The following PLEKHA5 variants were observed in gnomAD, a reference collection of about 807,000 sequenced individuals.
The protein encoded by PLEKHA5 is pleckstrin homology domain containing A5, also known as pleckstrin homology domain-containing family A member 5.
PLEKHA5 carries 55 observed loss-of-function variants against 181.9 expected under a neutral mutation model. The ratio of observed to expected loss-of-function variants is 0.30; its 90% CI spans 0.24 to 0.38. The LOEUF (loss-of-function observed/expected upper bound fraction) is 0.38, where lower values mean the gene tolerates loss of function less well. PLEKHA5 is among the 10% of genes least tolerant of loss of function. The probability of loss-of-function intolerance (pLI) is 1.00; values close to 1 mark genes in which losing one functional copy is unlikely to be tolerated. For missense variants in PLEKHA5, 1,432 were observed against 1,549.5 expected (o/e 0.92, Z 1.27); for synonymous variants, 535 against 529.4 (o/e 1.01, Z -0.15).
intron 3 of PLEKHA5, among the ~76,000 whole-genome samples, chr12:19,142,035 A>G (rs926176422): frequency 2.0e-5 from 3 of 152,230 alleles, no homozygotes; most frequent in African/African-American, 4.8e-5. Flanking sequence ...GAAAATTCCA[A>G]CTTTCGCTAA....
intron 3 of PLEKHA5, chr12:19,151,267 A>G (rs1196457406): frequency 6.6e-6 from 1 of 152,270 alleles, no homozygotes; most frequent in Non-Finnish European, 1.5e-5. Flanking sequence ...ATGGAGCACC[A>G]TTTCCATAGG....
intron 3 of PLEKHA5, among the ~76,000 whole-genome samples, chr12:19,196,507 T>C (rs1288141103): frequency 7.2e-5 from 11 of 152,174 alleles, no homozygotes; most frequent in Non-Finnish European, 2.9e-5. Context: ...GAAGAAAACC[T>C]ACCCCTATGT....
chr12:19,149,461 G>A (rs1261936003), intron 3 of PLEKHA5: 6 of 135,426 alleles, frequency 4.4e-5, no homozygotes, highest in Non-Finnish European at 9.1e-5. Context: ...CCGAGAGAGC[G>A]CCTCTGTACT....
intron 3 of PLEKHA5, among the ~76,000 whole-genome samples, chr12:19,169,047 A>G (rs1358656252): frequency 6.6e-6 from 1 of 152,170 alleles, no homozygotes; most frequent in Non-Finnish European, 1.5e-5. Context: ...AAAGAAAACA[A>G]ATTACTGATT....
At chr12:19,312,388 T>C (rs1225667318) in intron 15 of PLEKHA5, among the ~76,000 whole-genome samples, 1 of 152,228 alleles carries the variant, frequency 6.6e-6, no homozygotes. Context: ...CTGATTCCCA[T>C]ACAAGGCTAT....
intron 3 of PLEKHA5, among the ~76,000 whole-genome samples, chr12:19,172,171 T>G (rs569392850): frequency 6.6e-6 from 1 of 152,352 alleles, no homozygotes; most frequent in East Asian, 1.9e-4. Context: ...GTTATATACT[T>G]TTATATGATT....
Position 19,283,728 on chromosome 12 carries a change from A to C in PLEKHA5, c.1762A>C (p.Arg588=), listed in dbSNP as rs141351796. The part of the protein sequence containing the change: ...RGDVTIDRRH[R]AHHPKHVYVP... The stretch of plus-strand genomic sequence containing the variant: ...AGATGTGACAATAGACCGCAGACAC[A>C]GGGCCCATCACCCTAAGGTAAAATA... Residue 588 remains arginine (R), a synonymous_variant, in exon 12 of 32, where the codon AGG becomes CGG. Transcript: ENST00000429027. The C allele has an allele frequency of 2.8e-5, 45 of 1,611,322 alleles. 1 individual carries two copies. In the South Asian group the frequency reaches 3.7e-4, roughly 13 times the overall value.
At chr12:19,199,294 G>C (rs541146423) in intron 3 of PLEKHA5, among the ~76,000 whole-genome samples, 1 of 152,030 alleles carries the variant, frequency 6.6e-6, no homozygotes, top group South Asian at 2.1e-4. Flanking sequence ...TTGAAAAAAT[G>C]CCTTCTGTAG....
intron 11 of PLEKHA5, among the ~76,000 whole-genome samples, chr12:19,279,066 G>A (rs1377097715): frequency 6.6e-6 from 1 of 152,128 alleles, no homozygotes; most frequent in African/African-American, 2.4e-5. Context: ...TGAGAAAAGA[G>A]GATCCCAGTT....
chr12:19,275,066 A>G, intron 11 of PLEKHA5, 83 bp downstream of exon 11: 1 of 838,292 alleles, frequency 1.2e-6, no homozygotes, highest in Admixed American at 2.7e-5. Context: ...ACTGATTAAA[A>G]TATTGGTTTA....
chr12:19,233,864 A>T (rs1486753815), intron 3 of PLEKHA5, among the ~76,000 whole-genome samples: 2 of 152,194 alleles, frequency 1.3e-5, no homozygotes, highest in African/African-American at 4.8e-5. Context: ...AATCAGGATT[A>T]ATTGAGATTT....
At chr12:19,201,305 A>T (rs528845623) in intron 3 of PLEKHA5, 1 of 152,218 alleles carries the variant, frequency 6.6e-6, no homozygotes, top group South Asian at 2.1e-4. Flanking sequence ...TGAGGAACCC[A>T]CTAGGAATGG....
At chr12:19,337,036 G>A (rs1305130941) in intron 21 of PLEKHA5, among the ~76,000 whole-genome samples, 2 of 131,150 alleles carry the variant, frequency 1.5e-5, no homozygotes, top group Admixed American at 8.5e-5. Context: ...TGCCCAGGCT[G>A]GAGTGCAATG....
At chr12:19,365,526 A>C (rs2095400160) in intron 29 of PLEKHA5, among the ~76,000 whole-genome samples, 2 of 152,210 alleles carry the variant, frequency 1.3e-5, no homozygotes, top group Admixed American at 1.3e-4. Context: ...TTTGGATTAA[A>C]GTAGACTTTA....
At chr12:19,201,444 A>C (rs2054166897) in intron 3 of PLEKHA5, 1 of 152,084 alleles carries the variant, frequency 6.6e-6, no homozygotes, top group Non-Finnish European at 1.5e-5. Context: ...TCTGGAAAAA[A>C]TTAATTGTAA....
intron 3 of PLEKHA5, among the ~76,000 whole-genome samples, chr12:19,215,520 T>G (rs1263302818): frequency 6.6e-6 from 1 of 152,210 alleles, no homozygotes; most frequent in African/African-American, 2.4e-5. Flanking sequence ...CAGCATCCCC[T>G]GTCACTTCAA....
At chr12:19,312,261 T>A (rs2086812951) in intron 15 of PLEKHA5, among the ~76,000 whole-genome samples, 1 of 152,226 alleles carries the variant, frequency 6.6e-6, no homozygotes, top group South Asian at 2.1e-4. Context: ...TAAATGAGCA[T>A]CAGCTTCAGC....
intron 7 of PLEKHA5, among the ~76,000 whole-genome samples, chr12:19,264,492 T>A (rs1396279442): frequency 2.0e-5 from 3 of 152,216 alleles, no homozygotes; most frequent in African/African-American, 7.2e-5. Flanking sequence ...AAAATTAGGG[T>A]TTGACTTATT....
rs113215912 is a variant in PLEKHA5 at position 19,234,096 on chromosome 12, C to G, written c.228-19844C>G. Among the ~76,000 whole-genome samples, 3 of 152,304 alleles carry G rather than the reference C, an allele frequency of 2.0e-5. 1 individual carries two copies. Among genetic ancestry groups the G allele is most frequent in the African/African-American group, 7.2e-5 (3 of 41,560 alleles). On this transcript the variant is annotated intron_variant, in intron 3 of 31. Coordinates refer to ENST00000429027, the MANE Select transcript of PLEKHA5 (RefSeq NM_001256470.2). ...ATTCTTTTCCTTAAATGAATAGTTT[C>G]TCTTTAACAGGGCATCCTTTTTAAA... is the stretch of plus-strand genomic sequence containing the variant.
Sources: gnomAD v4.1 joint callset for allele counts (sites outside exome capture counted in the v4.1 genomes callset) on GRCh38, gnomAD v4.1.1 for gene constraint, MANE v1.5 for transcripts, NCBI Gene and HGNC (gene_info 2026-07-23, HGNC 2026-07-21) for gene names.